Variants in FXYD7 observed in about 807,000 individuals in gnomAD.
FXYD7 encodes FXYD domain-containing ion transport regulator 7.
A neutral mutation model predicts 15.3 loss-of-function variants in FXYD7; 7 were observed. The ratio of observed to expected loss-of-function variants is 0.46; its 90% confidence interval spans 0.26 to 0.86. The LOEUF is 0.86. Among genes scored for constraint, FXYD7 ranks in the 40% least tolerant of loss-of-function variants. The pLI is 0.16. For missense variants in FXYD7, 78 were observed against 100.6 expected (o/e 0.78, Z 0.96); for synonymous variants, 39 against 39.3 (o/e 0.99, Z 0.03).
Position 35,143,495 on chromosome 19 carries a change from C to A in FXYD7, c.31+131C>A. The A allele has an allele frequency of 1.4e-6, 1 of 710,276 alleles. No individual in the cohort carries two copies. Among genetic ancestry groups the A allele is most frequent in the Admixed American group, 4.1e-5 (1 of 24,628 alleles). The allele number at this position is 710,276 out of a possible 1,614,324, so 44.0% of individuals were successfully genotyped here. On this transcript the variant is annotated intron_variant, in intron 1 of 5. Transcript: ENST00000270310. This position sits in a 1 kb window ranked among gnomAD's most constrained non-coding sequence, Gnocchi z 4.3. Reference sequence around the variant, plus strand: ...GAGGGAGGTCCGCTCCTCCTGTGGGCGGAAGCCCCTGTAATGCGCCCCCCC... The same window carrying A: ...GAGGGAGGTCCGCTCCTCCTGTGGGAGGAAGCCCCTGTAATGCGCCCCCCC...
chr19:35,147,546 C>T (rs1308927602), intron 1 of FXYD7, among the ~76,000 whole-genome samples: 1 of 152,144 alleles, frequency 6.6e-6, no homozygotes, highest in Non-Finnish European at 1.5e-5. Context: ...ACATTTTATC[C>T]ACATGTGAAC....
chr19:35,150,380 A>AGAG (rs1475954922), intron 2 of FXYD7, among the ~76,000 whole-genome samples: 1 of 152,216 alleles, frequency 6.6e-6, no homozygotes, highest in Admixed American at 6.5e-5. Context: ...CCTGGGTGAC[A>AGAG]GAGTGACACT....
At chr19:35,153,789 C>A in intron 5 of FXYD7, 105 bp from the exon 6 acceptor site, 1 of 1,041,428 alleles carries the variant, frequency 9.6e-7, no homozygotes, top group East Asian at 2.4e-5. Context: ...GTGACAGTCC[C>A]TGGGGTCTGG....
rs71167517 is a variant in FXYD7, at chr19:35,152,134, C to CAAAAAAAAAA, written c.220+473_220+482dup. 1.3e-3 allele frequency among the ~76,000 whole-genome samples: 58 copies of CAAAAAAAAAA among 45,130 alleles called. 4 individuals are homozygous for CAAAAAAAAAA. Among genetic ancestry groups the CAAAAAAAAAA allele is most frequent in the African/African-American group, 3.5e-3 (40 of 11,508 alleles). 29.6% of individuals were successfully genotyped at this position (45,130 alleles called of 152,430 possible). A position where few individuals can be genotyped will look rare whatever the true frequency, so the allele number is the denominator to read the frequency against. ...AGCCTGGGTGATAGAGTGAGACTGT[C>CAAAAAAAAAA]AAAAAAAAAAAAAAAAAAAAAGAGG... On this transcript the variant is annotated intron_variant, in intron 5 of 5. Coordinates refer to ENST00000270310, the MANE Select transcript of FXYD7 (RefSeq NM_022006.2).
rs114164486 is a variant in FXYD7, at chr19:35,145,769, G to T, written c.31+2405G>T. ...ATTTATTTAATTTTTTTCCTTAAAA[G>T]GATTAGCTTTTTTATTTTTATTTTT... On this transcript the variant is annotated intron_variant, in intron 1 of 5. Coordinates refer to ENST00000270310, the MANE Select transcript of FXYD7 (RefSeq NM_022006.2). Among the ~76,000 whole-genome samples, 345 of 152,238 alleles carry T rather than the reference G, an allele frequency of 2.3e-3. 2 individuals carry two copies. The highest frequency in any genetic ancestry group is 7.9e-3 in the African/African-American group (329 of 41,556).
intron 1 of FXYD7, among the ~76,000 whole-genome samples, chr19:35,145,015 A>G (rs2065284343): frequency 6.6e-6 from 1 of 152,096 alleles, no homozygotes; most frequent in Non-Finnish European, 1.5e-5. Context: ...CAGAAGAGGG[A>G]TGCATGAGCA....
At chr19:35,145,705 T>C (rs1384898767) in intron 1 of FXYD7, among the ~76,000 whole-genome samples, 3 of 152,224 alleles carry the variant, frequency 2.0e-5, no homozygotes, top group Admixed American at 6.5e-5. Flanking sequence ...AGTACTACCG[T>C]CACAATTTTT....
At chr19:35,146,121 A>G (rs2065288110) in intron 1 of FXYD7, among the ~76,000 whole-genome samples, 1 of 151,472 alleles carries the variant, frequency 6.6e-6, no homozygotes, top group African/African-American at 2.4e-5. Flanking sequence ...TTATAGCACC[A>G]TCACAACTGG....
chr19:35,144,404 C>T (rs529143170), intron 1 of FXYD7, among the ~76,000 whole-genome samples: 2 of 152,312 alleles, frequency 1.3e-5, no homozygotes, highest in African/African-American at 4.8e-5. Context: ...TACCGTCGCC[C>T]CCTAATAGCC....
intron 1 of FXYD7, among the ~76,000 whole-genome samples, chr19:35,145,315 C>G (rs2065285516): frequency 6.6e-6 from 1 of 152,234 alleles, no homozygotes; most frequent in African/African-American, 2.4e-5. Flanking sequence ...CTGGCCCCAC[C>G]CTTAGCCCAG....
At chr19:35,148,652 G>GTTTT in intron 1 of FXYD7, 42 bp from the exon 2 acceptor site, 1 of 1,356,800 alleles carries the variant, frequency 7.4e-7, no homozygotes, top group Non-Finnish European at 9.9e-7. Flanking sequence ...ACACTGTTAA[G>GTTTT]TTTTTTTTTT....
At chr19:35,148,604 C>T (rs2145396834) in intron 1 of FXYD7, 90 bp from the exon 2 acceptor site, 1 of 1,069,682 alleles carries the variant, frequency 9.3e-7, no homozygotes, top group Non-Finnish European at 1.3e-6. Flanking sequence ...ATGATTAGGC[C>T]AGTGGCTCCA....
chr19:35,152,500 T>C (rs1023844432), intron 5 of FXYD7, among the ~76,000 whole-genome samples: 2 of 152,130 alleles, frequency 1.3e-5, no homozygotes, highest in African/African-American at 4.8e-5. Flanking sequence ...GGAAGGTTTC[T>C]GAATAGTTGC....
In FXYD7 at chr19:35,153,148, G is replaced by A. The variant is rs187658503; in HGVS notation, c.221-746G>A. Among the ~76,000 whole-genome samples, 9 of 145,196 alleles carry A rather than the reference G, an allele frequency of 6.2e-5. No homozygotes were observed. The South Asian group carries it at 1.3e-3, about 21-fold the overall frequency. ...CTTATTACAACACTGCAACCTCTGC[G>A]TCCTGGGTTCAAGCGATTCTCCTGC... On this transcript the variant is annotated intron_variant, in intron 5 of 5. Transcript: ENST00000270310.
chr19:35,151,739 A>C, intron 5 of FXYD7, 66 bp downstream of exon 5: 1 of 799,154 alleles, frequency 1.3e-6, no homozygotes, highest in Non-Finnish European at 2.0e-6. Context: ...AACCCTCAGA[A>C]GGGAAGTCGC....
intron 2 of FXYD7, 94 bp downstream of exon 2, chr19:35,148,817 T>C (rs1473514590): frequency 1.8e-6 from 2 of 1,131,728 alleles, no homozygotes; most frequent in South Asian, 1.2e-5. Context: ...GGCCACACGA[T>C]ACGTGCTGGG....
intron 2 of FXYD7, among the ~76,000 whole-genome samples, chr19:35,149,974 T>C (rs2065303816): frequency 1.3e-5 from 2 of 152,104 alleles, no homozygotes; most frequent in Admixed American, 1.3e-4. Context: ...TGGAGTGCAG[T>C]AGCACAATCT....
chr19:35,143,369 G>A lies in FXYD7; in HGVS notation c.31+5G>A, dbSNP rs2065276018. On this transcript the variant is annotated splice_donor_5th_base_variant and intron_variant, in intron 1 of 5. Transcript: ENST00000270310. This position sits in a 1 kb window ranked among gnomAD's most constrained non-coding sequence, Gnocchi z 4.3. The stretch of plus-strand genomic sequence containing the variant: ...CGACCCAGACCCCCACAAAGGGTGA[G>A]CGTCGTTTGGGGAGGGGGTTGCAGG... 1 of 1,514,454 alleles carries A rather than the reference G, an allele frequency of 6.6e-7. No individual in the cohort carries two copies. Among genetic ancestry groups the A allele is most frequent in the Non-Finnish European group, 8.8e-7 (1 of 1,133,180 alleles). 93.8% of individuals were successfully genotyped at this position (1,514,454 alleles called of 1,614,324 possible).
chr19:35,151,678 G>C lies in FXYD7; in HGVS notation c.220+5G>C. ...AGTCTGAGCTTCCCTCTTCAGGTGA[G>C]GGTGAGAAACTGTGTGGTTCTGGGA... On this transcript the variant is annotated splice_donor_5th_base_variant and intron_variant, in intron 5 of 5. Transcript: ENST00000270310. 6 of 1,611,080 alleles carry C rather than the reference G, an allele frequency of 3.7e-6. No individual in the cohort carries two copies. The highest frequency in any genetic ancestry group is 5.1e-6 in the Non-Finnish European group (6 of 1,177,272).
Sources: gnomAD v4.1 joint callset for allele counts (sites outside exome capture counted in the v4.1 genomes callset) on GRCh38, gnomAD v4.1.1 for gene constraint, Gnocchi (gnomAD v3.1) non-coding constraint, MANE v1.5 for transcripts, NCBI Gene and HGNC (gene_info 2026-07-23, HGNC 2026-07-21) for gene names.